Variants in FEZ1 observed in about 807,000 individuals in gnomAD.
FEZ1 encodes the protein fasciculation and elongation protein zeta-1.
FEZ1 carries 20 observed loss-of-function variants against 49.3 expected under a neutral mutation model. That is an observed-to-expected ratio of 0.41 (90% confidence interval 0.29 to 0.59). The LOEUF (loss-of-function observed/expected upper bound fraction) is 0.59. Ranked by LOEUF, FEZ1 falls within the 20% of genes least tolerant of loss-of-function variation. FEZ1 has a pLI of 0.36. For missense variants in FEZ1, 413 were observed against 476.0 expected (o/e 0.87, Z 1.23); for synonymous variants, 170 against 180.9 (o/e 0.94, Z 0.48).
At chr11:125,481,893 C>CA in intron 2 of FEZ1, 1 of 500,258 alleles carries the variant, frequency 2.0e-6, no homozygotes, top group Non-Finnish European at 3.6e-6. Flanking sequence ...CATTGAGATA[C>CA]AAATGGCAGC....
chr11:125,464,774 A>G (rs1012938736), intron 3 of FEZ1, among the ~76,000 whole-genome samples: 9 of 152,212 alleles, frequency 5.9e-5, no homozygotes, highest in Non-Finnish European at 1.0e-4. Flanking sequence ...TCCGCACTCA[A>G]CCTAGATATG....
intron 1 of FEZ1, among the ~76,000 whole-genome samples, chr11:125,493,370 GAAAGAAA>G (rs1565306716): frequency 4.8e-4 from 16 of 33,016 alleles, no homozygotes; most frequent in African/African-American, 3.5e-4. Context: ...AGAAAAGAAA[GAAAGAAA>G]GAAAGAAAGA....
chr11:125,488,769 C>G, intron 2 of FEZ1: 1 of 985,332 alleles, frequency 1.0e-6, no homozygotes. Context: ...CTAAGACATC[C>G]TTCTTTAATT....
At position 125,488,902 on chromosome 11, in the gene FEZ1, A is replaced by G. The variant is rs947969502; in HGVS notation, c.311+565T>C. The G allele has an allele frequency of 4.1e-6, 4 of 985,330 alleles. No homozygotes were observed. The African/African-American group carries it at 5.2e-5, about 13-fold the overall frequency. The allele number at this position is 985,330 out of a possible 1,614,324, so 61.0% of individuals were successfully genotyped here. On this transcript the variant is annotated intron_variant, in intron 2 of 9. Coordinates refer to ENST00000278919, the MANE Select transcript of FEZ1 (RefSeq NM_005103.5). ...CGAGCAAGTGATACAAGGAATCTGC[A>G]TACTCAAAGGCCACATCACCTAGTT...
At chr11:125,479,611 T>C (rs963206976) in intron 3 of FEZ1, among the ~76,000 whole-genome samples, 6 of 152,218 alleles carry the variant, frequency 3.9e-5, no homozygotes, top group African/African-American at 1.4e-4. Context: ...AGTGAGACCT[T>C]GTGGAGGTGA....
intron 2 of FEZ1, among the ~76,000 whole-genome samples, chr11:125,482,838 C>T (rs190351911): frequency 5.4e-4 from 82 of 151,918 alleles, no homozygotes; most frequent in African/African-American, 1.9e-3. Flanking sequence ...GTAGCATGGG[C>T]CTATAGTCCC....
Position 125,445,920 on chromosome 11 carries a change from T to C in FEZ1, c.*175A>G. 1 of 701,208 alleles carries C rather than the reference T, an allele frequency of 1.4e-6. No homozygotes were observed. Among genetic ancestry groups the C allele is most frequent in the Non-Finnish European group, 2.6e-6 (1 of 378,628 alleles). 43.4% of individuals were successfully genotyped at this position (701,208 alleles called of 1,614,324 possible). A position where few individuals can be genotyped will look rare whatever the true frequency, so the allele number is the denominator to read the frequency against. ...CCCTGCCCCATCATGCATCCAATGA[T>C]TACTAGCACTAGAAGCCAACGGCAA... On this transcript the variant is annotated 3_prime_UTR_variant, in exon 10 of 10. Coordinates refer to ENST00000278919, the MANE Select transcript of FEZ1 (RefSeq NM_005103.5). The surrounding 1 kb of genome is among the most constrained non-coding windows in gnomAD (Gnocchi z 4.4).
intron 9 of FEZ1, among the ~76,000 whole-genome samples, chr11:125,448,025 TTAA>T (rs1956913855): frequency 6.6e-6 from 1 of 152,136 alleles, no homozygotes. Flanking sequence ...TGGCCGGGAC[TTAA>T]TAACTGTTGA....
intron 2 of FEZ1, among the ~76,000 whole-genome samples, chr11:125,482,156 C>T (rs1957286776): frequency 6.6e-6 from 1 of 152,060 alleles, no homozygotes; most frequent in African/African-American, 2.4e-5. Context: ...TTTCAGAGGC[C>T]TACAATCTAA....
In FEZ1 at chr11:125,463,488, T is replaced by A. The variant is rs754499200; in HGVS notation, c.494A>T (p.Asp165Val). The A allele has an allele frequency of 7.6e-6, 12 of 1,584,268 alleles. No homozygotes were observed. Among genetic ancestry groups the A allele is most frequent in the South Asian group, 2.2e-5 (2 of 90,474 alleles). ...AACCTGGAGAGATACTTATACCTGA[T>A]CTGCTGTGAGCAGAGGCTCCTCGTT... The part of the protein sequence containing the change: ...GINEEPLLTA[D>V]QVIEEIEEMM... Residue 165 changes from aspartate (D) to valine (V), a missense_variant, in exon 4 of 10, where the codon GAT becomes GTT. By Grantham distance (152) the Asp-to-Val change is radical. Transcript: ENST00000278919.
chr11:125,454,251 C>A, intron 6 of FEZ1, 41 bp from the exon 7 acceptor site: 1 of 1,494,790 alleles, frequency 6.7e-7, no homozygotes, highest in East Asian at 2.3e-5. Context: ...ATGCTTCTTG[C>A]TACACTGTCA....
chr11:125,494,506 G>A (rs928458258), intron 1 of FEZ1, among the ~76,000 whole-genome samples: 8 of 152,136 alleles, frequency 5.3e-5, no homozygotes, highest in African/African-American at 1.9e-4. Context: ...TAATACAAGC[G>A]ATAGCTTATT....
rs555484234 is a variant in FEZ1 at position 125,465,281 on chromosome 11, T to C, written c.412-1711A>G. Among the ~76,000 whole-genome samples the C allele has an allele frequency of 2.0e-4, 30 of 152,296 alleles. 1 individual carries two copies. Among genetic ancestry groups the C allele is most frequent in the Admixed American group, 1.8e-3 (28 of 15,286 alleles). On this transcript the variant is annotated intron_variant, in intron 3 of 9. Coordinates refer to ENST00000278919, the MANE Select transcript of FEZ1 (RefSeq NM_005103.5). ...TTACCTTTTCTGAAATGTGGCTGAT[T>C]GTAGTGGGTTTAACTCCCTGACTGT...
intron 3 of FEZ1, among the ~76,000 whole-genome samples, chr11:125,477,528 A>G (rs1207489762): frequency 1.3e-5 from 2 of 152,000 alleles, no homozygotes; most frequent in Non-Finnish European, 2.9e-5. Flanking sequence ...AAATTAGCCA[A>G]TTCTTAGAGA....
chr11:125,448,718 A>G, intron 8 of FEZ1, 151 bp from the exon 9 acceptor site: 1 of 609,252 alleles, frequency 1.6e-6, no homozygotes, highest in Non-Finnish European at 2.9e-6. Flanking sequence ...AGAAGGCTCT[A>G]TCAGGGGTCA....
At chr11:125,456,553 GCAA>G (rs1299165988) in intron 5 of FEZ1, among the ~76,000 whole-genome samples, 1 of 152,116 alleles carries the variant, frequency 6.6e-6, no homozygotes, top group Non-Finnish European at 1.5e-5. Context: ...ATAGCATACG[GCAA>G]CAACAACAAA....
Position 125,489,207 on chromosome 11 carries a change from ACT to A in FEZ1, c.311+258_311+259del. Reference sequence around the variant, plus strand: ...TTAAGATAGACAGACCCTGAAATTTACTGTGCTCCTGAAATTCCATTTTGTAT... The same window carrying A: ...TTAAGATAGACAGACCCTGAAATTTAGTGCTCCTGAAATTCCATTTTGTAT... On this transcript the variant is annotated intron_variant, in intron 2 of 9. Transcript: ENST00000278919. This position sits in a 1 kb window ranked among gnomAD's most constrained non-coding sequence, Gnocchi z 4.2. The A allele has an allele frequency of 8.8e-7, 1 of 1,134,874 alleles. No individual in the cohort carries two copies. Among genetic ancestry groups the A allele is most frequent in the Non-Finnish European group, 1.1e-6 (1 of 927,498 alleles). 70.3% of individuals were successfully genotyped at this position (1,134,874 alleles called of 1,614,324 possible). A position where few individuals can be genotyped will look rare whatever the true frequency, so the allele number is the denominator to read the frequency against.
chr11:125,476,653 A>G (rs1430298684), intron 3 of FEZ1, among the ~76,000 whole-genome samples: 1 of 152,194 alleles, frequency 6.6e-6, no homozygotes, highest in African/African-American at 2.4e-5. Context: ...AAGTCATATA[A>G]TAAAGGAGCA....
At chr11:125,491,135 G>A (rs1002463971) in intron 1 of FEZ1, among the ~76,000 whole-genome samples, 1 of 152,142 alleles carries the variant, frequency 6.6e-6, no homozygotes, top group African/African-American at 2.4e-5. Context: ...CCTGTATCCT[G>A]TAAGAAACAG....
Sources: gnomAD v4.1 joint callset for allele counts (sites outside exome capture counted in the v4.1 genomes callset) on GRCh38, gnomAD v4.1.1 for gene constraint, Gnocchi (gnomAD v3.1) non-coding constraint, MANE v1.5 for transcripts, NCBI Gene and HGNC (gene_info 2026-07-23, HGNC 2026-07-21) for gene names.